MEMO1: variants seen among roughly 807,000 people sequenced by gnomAD.
MEMO1 encodes protein MEMO1.
In MEMO1, 6 loss-of-function variants were observed where a neutral mutation model predicts 45.2. That is an observed-to-expected ratio of 0.13 (90% CI 0.07 to 0.26). The LOEUF (loss-of-function observed/expected upper bound fraction) is 0.26, where lower values mean the gene tolerates loss of function less well. Ranked by LOEUF, MEMO1 falls within the 10% of genes least tolerant of loss-of-function variation. The pLI, the probability that MEMO1 is intolerant of heterozygous loss-of-function variation, is 1.00. For missense variants in MEMO1, 184 were observed against 370.5 expected (o/e 0.50, Z 4.13); for synonymous variants, 78 against 124.3 (o/e 0.63, Z 2.48).
intron 4 of MEMO1, chr2:31,923,603 T>G (rs1273002339): frequency 4.6e-6 from 7 of 1,520,026 alleles, no homozygotes; most frequent in Non-Finnish European, 4.4e-6. Flanking sequence ...CAGAAATGTT[T>G]AGGTAGCCTG....
intron 2 of MEMO1, among the ~76,000 whole-genome samples, chr2:31,983,336 TATAA>T (rs1253420874): frequency 6.6e-6 from 1 of 152,228 alleles, no homozygotes; most frequent in Non-Finnish European, 1.5e-5. Context: ...CATATGCTAC[TATAA>T]ATAAATATAT....
At chr2:32,002,173 A>T (rs1264539513) in intron 2 of MEMO1, among the ~76,000 whole-genome samples, 1 of 128,030 alleles carries the variant, frequency 7.8e-6, no homozygotes. Flanking sequence ...AAAAAAATAT[A>T]TATATATATA....
intron 2 of MEMO1, among the ~76,000 whole-genome samples, chr2:32,009,830 C>T (rs1674598345): frequency 6.6e-6 from 1 of 152,130 alleles, no homozygotes; most frequent in Admixed American, 6.5e-5. Flanking sequence ...CCGCACGCTT[C>T]CTGCAAGCCA....
intron 2 of MEMO1, among the ~76,000 whole-genome samples, chr2:31,982,643 T>G (rs1294866182): frequency 2.0e-5 from 3 of 151,348 alleles, no homozygotes; most frequent in Admixed American, 1.3e-4. Flanking sequence ...CCAAAGTTAC[T>G]TAACTTTGGG....
chr2:31,880,531 C>G (rs575085066), intron 8 of MEMO1, among the ~76,000 whole-genome samples: 88 of 152,232 alleles, frequency 5.8e-4, no homozygotes, highest in Non-Finnish European at 1.1e-3. Flanking sequence ...AATATTTGAT[C>G]TACTTTAAAC....
intron 2 of MEMO1, among the ~76,000 whole-genome samples, chr2:31,963,948 T>C (rs866063830): frequency 2.8e-4 from 42 of 152,346 alleles, no homozygotes; most frequent in East Asian, 1.2e-3. Context: ...ATTAATTTCA[T>C]TGATTATATG....
chr2:31,995,693 C>T (rs1260969938), intron 2 of MEMO1, among the ~76,000 whole-genome samples: 1 of 148,992 alleles, frequency 6.7e-6, no homozygotes, highest in East Asian at 2.0e-4. Flanking sequence ...GTCAGAAATA[C>T]AAAAAGAGAA....
intron 6 of MEMO1, among the ~76,000 whole-genome samples, chr2:31,898,743 C>G (rs780971894): frequency 6.6e-6 from 1 of 152,148 alleles, no homozygotes; most frequent in African/African-American, 2.4e-5. Flanking sequence ...TGGTCCAGAG[C>G]TGAGTTCAAG....
chr2:32,008,797 C>A (rs1238624121), intron 2 of MEMO1, among the ~76,000 whole-genome samples: 1 of 152,176 alleles, frequency 6.6e-6, no homozygotes. Context: ...CCTCACAATT[C>A]TTTTGTGTCT....
chr2:31,893,226 C>G (rs754362055), intron 6 of MEMO1: 1 of 580,358 alleles, frequency 1.7e-6, no homozygotes, highest in Non-Finnish European at 2.4e-6. Flanking sequence ...GCACCTCCCC[C>G]ATAAGGCCCC....
chr2:32,002,186 T>TATACACACACACACACACAC (rs753352927), intron 2 of MEMO1, among the ~76,000 whole-genome samples: 2 of 116,070 alleles, frequency 1.7e-5, no homozygotes, highest in African/African-American at 7.0e-5. Context: ...TATATATATA[T>TATACACACACACACACACAC]ACACACACAC....
intron 4 of MEMO1, among the ~76,000 whole-genome samples, chr2:31,922,540 G>A (rs752225342): frequency 3.3e-5 from 5 of 151,926 alleles, no homozygotes; most frequent in East Asian, 1.9e-4. Flanking sequence ...GGTAAATTAC[G>A]TGTTGCCAAG....
intron 5 of MEMO1, among the ~76,000 whole-genome samples, chr2:31,920,226 G>C (rs1026178563): frequency 6.6e-6 from 1 of 150,752 alleles, no homozygotes; most frequent in Non-Finnish European, 1.5e-5. Context: ...TACATCTATT[G>C]TGTAAGAACT....
At chr2:31,897,424 G>A (rs979553092) in intron 6 of MEMO1, among the ~76,000 whole-genome samples, 1 of 152,196 alleles carries the variant, frequency 6.6e-6, no homozygotes, top group Non-Finnish European at 1.5e-5. Flanking sequence ...ATTTTAGCAT[G>A]AAGCGGTATT....
In MEMO1 at chr2:31,869,853, A is replaced by G. The variant is rs1189588286; in HGVS notation, c.757T>C (p.Leu253=). 2.0e-5 allele frequency: 31 copies of G among 1,573,516 alleles called. No individual in the cohort carries two copies. Among genetic ancestry groups the G allele is most frequent in the African/African-American group, 2.8e-5 (2 of 72,126 alleles). The change falls in exon 9 of 10, where the codon TTA becomes CTA. Residue 253 remains leucine, a synonymous_variant. Transcript: ENST00000404530. ...ICGRHPIGVL[L]NAITELQKNG... is the part of the protein sequence containing the mutation. Reference sequence around the variant, plus strand: ...GGCTTCCTAAGGATACTCACATTTAATAACACCCCAATGGGATGTCTTCCA... The same window carrying G: ...GGCTTCCTAAGGATACTCACATTTAGTAACACCCCAATGGGATGTCTTCCA...
At chr2:31,940,151 T>C (rs1308309645) in intron 3 of MEMO1, among the ~76,000 whole-genome samples, 1 of 152,206 alleles carries the variant, frequency 6.6e-6, no homozygotes, top group Non-Finnish European at 1.5e-5. Flanking sequence ...AATGTTCATC[T>C]TTATTCTAGC....
intron 7 of MEMO1, among the ~76,000 whole-genome samples, chr2:31,884,980 T>C (rs1045779705): frequency 1.3e-5 from 2 of 152,194 alleles, no homozygotes; most frequent in Admixed American, 6.5e-5. Context: ...GTTCAATGCC[T>C]CTATATTGAT....
At chr2:31,942,853 A>G (rs915067745) in intron 3 of MEMO1, among the ~76,000 whole-genome samples, 3 of 152,220 alleles carry the variant, frequency 2.0e-5, no homozygotes, top group African/African-American at 7.2e-5. Flanking sequence ...CTTAAGTTAC[A>G]GTGAAAACCC....
intron 2 of MEMO1, among the ~76,000 whole-genome samples, chr2:31,977,589 C>T (rs1670152936): frequency 6.6e-6 from 1 of 152,156 alleles, no homozygotes; most frequent in Non-Finnish European, 1.5e-5. Context: ...TCTCAGCTCA[C>T]CACAACCTCT....
Sources: gnomAD v4.1 joint callset for allele counts (sites outside exome capture counted in the v4.1 genomes callset) on GRCh38, gnomAD v4.1.1 for gene constraint, MANE v1.5 for transcripts, NCBI Gene and HGNC (gene_info 2026-07-23, HGNC 2026-07-21) for gene names.